The following UBE2D2 variants were observed in gnomAD, a reference collection of about 807,000 sequenced individuals.
The protein encoded by UBE2D2 is ubiquitin conjugating enzyme E2 D2, also known as ubiquitin-conjugating enzyme E2 D2.
A neutral mutation model predicts 24.2 loss-of-function variants in UBE2D2; 2 were observed. That is an observed-to-expected ratio of 0.08 (90% CI 0.03 to 0.26). The LOEUF (loss-of-function observed/expected upper bound fraction) is 0.26, where lower values mean the gene tolerates loss of function less well. UBE2D2 is among the 10% of genes least tolerant of loss of function. UBE2D2 has a pLI of 1.00. For missense variants in UBE2D2, 44 were observed against 177.6 expected, an observed-to-expected ratio of 0.25 and a Z score of 4.28; for synonymous variants, 58 against 56.5, an observed-to-expected ratio of 1.03 and a Z score of -0.12.
intron 1 of UBE2D2, among the ~76,000 whole-genome samples, chr5:139,576,397 T>G (rs1048395570): frequency 3.7e-4 from 56 of 152,104 alleles, no homozygotes; most frequent in African/African-American, 1.3e-3. Flanking sequence ...GCCTCCATCT[T>G]TGTATCACCT....
At chr5:139,549,582 G>A (rs553265985) in intron 1 of UBE2D2, among the ~76,000 whole-genome samples, 1 of 152,324 alleles carries the variant, frequency 6.6e-6, no homozygotes, top group South Asian at 2.1e-4. Context: ...CCTGCCCGCA[G>A]GGCAGGGCTA....
intron 1 of UBE2D2, among the ~76,000 whole-genome samples, chr5:139,534,651 G>T (rs563201256): frequency 1.3e-5 from 2 of 151,642 alleles, no homozygotes; most frequent in African/African-American, 2.4e-5. Context: ...CAGGAGAATC[G>T]CTTGAACCTG....
At chr5:139,583,266 C>T (rs1420461941) in intron 1 of UBE2D2, among the ~76,000 whole-genome samples, 1 of 152,122 alleles carries the variant, frequency 6.6e-6, no homozygotes, top group African/African-American at 2.4e-5. Flanking sequence ...TGAACCATTG[C>T]ATCCGGCCAA....
At chr5:139,587,158 C>T (rs184052317) in intron 1 of UBE2D2, among the ~76,000 whole-genome samples, 1 of 152,238 alleles carries the variant, frequency 6.6e-6, no homozygotes, top group African/African-American at 2.4e-5. Flanking sequence ...CGGAAGAGAA[C>T]CGTAGAACCC....
chr5:139,613,638 G>A (rs1468553363), intron 2 of UBE2D2, among the ~76,000 whole-genome samples: 3 of 151,834 alleles, frequency 2.0e-5, no homozygotes, highest in African/African-American at 7.3e-5. Flanking sequence ...CTTTACATTA[G>A]GAGAGATGTT....
At chr5:139,530,238 C>G (rs181364844) in intron 1 of UBE2D2, among the ~76,000 whole-genome samples, 1 of 152,258 alleles carries the variant, frequency 6.6e-6, no homozygotes, top group East Asian at 1.9e-4. Flanking sequence ...TGGACGGCCC[C>G]CACCAGGTTA....
chr5:139,613,990 A>G (rs934591782), intron 2 of UBE2D2, among the ~76,000 whole-genome samples: 1 of 143,388 alleles, frequency 7.0e-6, no homozygotes, highest in African/African-American at 2.6e-5. Flanking sequence ...TGAACCCGGG[A>G]GGCGGGGGTT....
chr5:139,591,501 A>G (rs955241002), intron 1 of UBE2D2, among the ~76,000 whole-genome samples: 7 of 152,118 alleles, frequency 4.6e-5, no homozygotes, highest in Non-Finnish European at 1.0e-4. Flanking sequence ...TAAGCTTACC[A>G]TGTCTGCTTA....
chr5:139,530,347 T>C (rs898404679), intron 1 of UBE2D2, among the ~76,000 whole-genome samples: 7 of 152,136 alleles, frequency 4.6e-5, no homozygotes, highest in African/African-American at 1.4e-4. Flanking sequence ...TTACTGCCCA[T>C]AAAAACAGGT....
chr5:139,601,825 G>A (rs1484380605), intron 2 of UBE2D2, among the ~76,000 whole-genome samples: 1 of 151,142 alleles, frequency 6.6e-6, no homozygotes, highest in Admixed American at 6.6e-5. Flanking sequence ...GCAGACAACT[G>A]CTTGAATCCA....
At chr5:139,548,184 T>TAAAAAAAAAAA (rs1420608616) in intron 1 of UBE2D2, among the ~76,000 whole-genome samples, 1 of 46,886 alleles carries the variant, frequency 2.1e-5, no homozygotes, top group Non-Finnish European at 3.5e-5. Context: ...AAAAAAAAAA[T>TAAAAAAAAAAA]AAAAAAAAAA....
At chr5:139,607,931 T>C (rs1387801963) in intron 2 of UBE2D2, among the ~76,000 whole-genome samples, 1 of 151,836 alleles carries the variant, frequency 6.6e-6, no homozygotes, top group Non-Finnish European at 1.5e-5. Context: ...GAGGATTGCT[T>C]GAGCCCAGGA....
intron 1 of UBE2D2, among the ~76,000 whole-genome samples, chr5:139,583,001 G>A (rs368804121): frequency 6.1e-5 from 9 of 148,368 alleles, no homozygotes; most frequent in African/African-American, 7.5e-5. Flanking sequence ...TGAAGACGGC[G>A]TCTCGCTTTG....
At chr5:139,532,859 C>G (rs984948415) in intron 1 of UBE2D2, among the ~76,000 whole-genome samples, 5 of 151,990 alleles carry the variant, frequency 3.3e-5, no homozygotes, top group Non-Finnish European at 5.9e-5. Flanking sequence ...GTAATCCTAG[C>G]ACTTTGGAAG....
At chr5:139,555,865 G>A (rs1752974838) in intron 1 of UBE2D2, among the ~76,000 whole-genome samples, 4 of 137,802 alleles carry the variant, frequency 2.9e-5, no homozygotes, top group African/African-American at 1.1e-4. Context: ...GGCAGAGGTT[G>A]CAGTGAGCTG....
In UBE2D2 at chr5:139,626,904, C is replaced by T; in HGVS notation, c.*103C>T. On this transcript the variant is annotated 3_prime_UTR_variant, in exon 7 of 7. Transcript: ENST00000398733. ...GACTGCTTTCTATGAGCCCACGCCT[C>T]ATCTTCCCCTGTGCACATGTTTACC... 6 of 918,936 alleles carry T rather than the reference C, an allele frequency of 6.5e-6. No homozygotes were observed. The highest frequency in any genetic ancestry group is 1.0e-5 in the Non-Finnish European group (6 of 584,622). 56.9% of individuals were successfully genotyped at this position (918,936 alleles called of 1,614,324 possible). A position where few individuals can be genotyped will look rare whatever the true frequency, so the allele number is the denominator to read the frequency against.
intron 1 of UBE2D2, among the ~76,000 whole-genome samples, chr5:139,548,515 C>T (rs577899998): frequency 5.9e-5 from 9 of 152,194 alleles, no homozygotes; most frequent in Admixed American, 1.3e-4. Flanking sequence ...ACCCAAAACC[C>T]CAGCTTCACA....
intron 1 of UBE2D2, among the ~76,000 whole-genome samples, chr5:139,566,594 G>A (rs1561504603): frequency 6.6e-6 from 1 of 152,210 alleles, no homozygotes; most frequent in East Asian, 1.9e-4. Flanking sequence ...AGGATCTCGG[G>A]AGCCTGGGAG....
chr5:139,541,098 G>C (rs940742245), intron 1 of UBE2D2, among the ~76,000 whole-genome samples: 2 of 152,050 alleles, frequency 1.3e-5, no homozygotes, highest in African/African-American at 4.8e-5. Context: ...ATGAGTTCGA[G>C]AGCAGCCTGG....
Sources: gnomAD v4.1 joint callset for allele counts (sites outside exome capture counted in the v4.1 genomes callset) on GRCh38, gnomAD v4.1.1 for gene constraint, MANE v1.5 for transcripts, NCBI Gene and HGNC (gene_info 2026-07-23, HGNC 2026-07-21) for gene names.